HABP4: variants seen among roughly 807,000 people sequenced by gnomAD.
The protein encoded by HABP4 is hyaluronan binding protein 4, also known as intracellular hyaluronan-binding protein 4.
Under a neutral mutation model 44.1 loss-of-function variants are expected in HABP4, and 32 were observed. The observed-to-expected ratio is 0.73, with a 90% CI of 0.55 to 0.97. HABP4 has a LOEUF of 0.97. HABP4 is among the 50% of genes least tolerant of loss of function. The probability of loss-of-function intolerance (pLI) is 0.00; values close to 1 mark genes in which losing one functional copy is unlikely to be tolerated. For missense variants in HABP4, 503 were observed against 561.9 expected (o/e 0.90, Z 1.06); for synonymous variants, 216 against 218.0 (o/e 0.99, Z 0.08).
intron 1 of HABP4, chr9:96,451,330 T>TA (rs1433180579): frequency 2.6e-5 from 5 of 190,072 alleles, no homozygotes; most frequent in Non-Finnish European, 4.9e-5. Flanking sequence ...CACTCCCTAT[T>TA]TAGCAAGAAA....
intron 1 of HABP4, among the ~76,000 whole-genome samples, chr9:96,452,944 A>C: frequency 1.0e-5 from 1 of 95,552 alleles, no homozygotes; most frequent in South Asian, 3.2e-4. Context: ...TTTTTGAGAC[A>C]GAGTCTTTTT....
chr9:96,478,278 G>A (rs955748326), intron 5 of HABP4, among the ~76,000 whole-genome samples: 7 of 151,476 alleles, frequency 4.6e-5, no homozygotes, highest in East Asian at 3.9e-4. Context: ...GATTACAGGC[G>A]CCCGCCACTA....
chr9:96,484,054 A>G (rs190957612), intron 5 of HABP4: 1 of 154,436 alleles, frequency 6.5e-6, no homozygotes, highest in African/African-American at 2.4e-5. Context: ...ATTAAAGAGG[A>G]TATTTGCAAA....
chr9:96,469,127 C>T (rs967616406), intron 4 of HABP4, among the ~76,000 whole-genome samples: 7 of 152,146 alleles, frequency 4.6e-5, no homozygotes, highest in Non-Finnish European at 8.8e-5. Flanking sequence ...AGTTTGACAG[C>T]GGTAAAATAG....
intron 5 of HABP4, among the ~76,000 whole-genome samples, chr9:96,475,509 G>A (rs1260852290): frequency 6.6e-6 from 1 of 152,180 alleles, no homozygotes. Flanking sequence ...CTCCATGAAG[G>A]AGGAGCTACT....
intron 4 of HABP4, among the ~76,000 whole-genome samples, chr9:96,470,153 C>G (rs981574065): frequency 1.3e-5 from 2 of 152,096 alleles, no homozygotes; most frequent in Non-Finnish European, 2.9e-5. Flanking sequence ...ACAAAAAATA[C>G]AAAATATTAG....
intron 1 of HABP4, among the ~76,000 whole-genome samples, chr9:96,453,057 A>G (rs1832314790): frequency 7.0e-6 from 1 of 142,644 alleles, no homozygotes; most frequent in Non-Finnish European, 1.5e-5. Flanking sequence ...AGTAGCTGGC[A>G]TTACAGGCAT....
chr9:96,453,072 C>T (rs1037562241), intron 1 of HABP4, among the ~76,000 whole-genome samples: 2 of 148,690 alleles, frequency 1.3e-5, no homozygotes, highest in African/African-American at 5.0e-5. Context: ...AGGCATCTGC[C>T]ACCATGCCCG....
At chr9:96,478,822 G>C (rs1587685937) in intron 5 of HABP4, among the ~76,000 whole-genome samples, 1 of 151,584 alleles carries the variant, frequency 6.6e-6, no homozygotes, top group African/African-American at 2.4e-5. Flanking sequence ...GTAGAGATGG[G>C]GTCTCGTTTT....
chr9:96,489,196 G>T (rs1015018639), intron 7 of HABP4, among the ~76,000 whole-genome samples: 1 of 152,092 alleles, frequency 6.6e-6, no homozygotes, highest in African/African-American at 2.4e-5. Flanking sequence ...GGCGGGGGGT[G>T]TAGGGGTATA....
chr9:96,476,120 A>T (rs1389584460), intron 5 of HABP4, among the ~76,000 whole-genome samples: 3 of 152,156 alleles, frequency 2.0e-5, no homozygotes, highest in Non-Finnish European at 4.4e-5. Context: ...TTATTCCCTG[A>T]ATCTCAGTGG....
At chr9:96,478,629 A>G (rs558979227) in intron 5 of HABP4, among the ~76,000 whole-genome samples, 9 of 149,006 alleles carry the variant, frequency 6.0e-5, no homozygotes, top group Admixed American at 6.0e-4. Context: ...ATAGGTACAT[A>G]TCTCATTATG....
Position 96,469,228 on chromosome 9 carries a change from G to A in HABP4, c.744-1783G>A, listed in dbSNP as rs545164786. Among the ~76,000 whole-genome samples, 81 of 152,280 alleles carry A rather than the reference G, an allele frequency of 5.3e-4. 1 individual carries two copies. The South Asian group carries it at 0.016, about 29-fold the overall frequency. On this transcript the variant is annotated intron_variant, in intron 4 of 7. Coordinates refer to ENST00000375249, the MANE Select transcript of HABP4 (RefSeq NM_014282.4). ...AGATATTATTTTCTTGTTAAAATTGGAGTAGACACCCATGAACGCAGTTTT... is the reference window on the plus strand; with the variant it reads ...AGATATTATTTTCTTGTTAAAATTGAAGTAGACACCCATGAACGCAGTTTT...
chr9:96,450,657 C>A lies in HABP4; in HGVS notation c.349+29C>A. 1 of 1,250,536 alleles carries A rather than the reference C, an allele frequency of 8.0e-7. No individual in the cohort carries two copies. Among genetic ancestry groups the A allele is most frequent in the Non-Finnish European group, 1.0e-6 (1 of 996,090 alleles). The allele number at this position is 1,250,536 out of a possible 1,614,324, so 77.5% of individuals were successfully genotyped here. A position where few individuals can be genotyped will look rare whatever the true frequency, so the allele number is the denominator to read the frequency against. ...CGCGGGGACAGCGGGGTTAGCGGACCACGGCTCGGCCCGCTGTGAGACTGG... is the reference window on the plus strand; with the variant it reads ...CGCGGGGACAGCGGGGTTAGCGGACAACGGCTCGGCCCGCTGTGAGACTGG... On this transcript the variant is annotated intron_variant, in intron 1 of 7. Transcript: ENST00000375249. The surrounding 1 kb of genome is among the most constrained non-coding windows in gnomAD (Gnocchi z 4.8).
chr9:96,489,414 C>T (rs994420429), intron 7 of HABP4, among the ~76,000 whole-genome samples: 8 of 151,778 alleles, frequency 5.3e-5, no homozygotes, highest in Non-Finnish European at 7.4e-5. Context: ...CCTTAGGGCC[C>T]GCCCCCGCCC....
At chr9:96,457,713 C>G (rs1055217330) in intron 1 of HABP4, among the ~76,000 whole-genome samples, 35 of 151,860 alleles carry the variant, frequency 2.3e-4, no homozygotes, top group African/African-American at 8.0e-4. Context: ...ATTAAAAATA[C>G]AAAAATTAGC....
At position 96,463,702 on chromosome 9, in the gene HABP4, A is replaced by G. The variant is rs185994366; in HGVS notation, c.513-1635A>G. Among the ~76,000 whole-genome samples, 80 of 152,376 alleles carry G rather than the reference A, an allele frequency of 5.3e-4. No homozygotes were observed. In the East Asian group the frequency reaches 0.015, roughly 28 times the overall value. On this transcript the variant is annotated intron_variant, in intron 2 of 7. Coordinates refer to ENST00000375249, the MANE Select transcript of HABP4 (RefSeq NM_014282.4). Reference sequence around the variant, plus strand: ...GTTGTGTTTCTTATAAGAGACTGGCATGACGTTAATGATCAGTACTTCTGT... The same window carrying G: ...GTTGTGTTTCTTATAAGAGACTGGCGTGACGTTAATGATCAGTACTTCTGT...
intron 5 of HABP4, among the ~76,000 whole-genome samples, chr9:96,475,487 A>G (rs997341585): frequency 6.6e-6 from 1 of 152,174 alleles, no homozygotes; most frequent in East Asian, 1.9e-4. Flanking sequence ...TAATTCATTC[A>G]GTTCTTTGCC....
chr9:96,476,382 T>C (rs932956543), intron 5 of HABP4, among the ~76,000 whole-genome samples: 1 of 152,258 alleles, frequency 6.6e-6, no homozygotes, highest in Non-Finnish European at 1.5e-5. Flanking sequence ...GTTAAAGCAG[T>C]ATGATTTCTA....
Sources: allele counts gnomAD v4.1 joint callset (sites outside exome capture counted in the v4.1 genomes callset), GRCh38; gene constraint gnomAD v4.1.1; non-coding constraint Gnocchi (gnomAD v3.1); transcripts MANE v1.5; gene names NCBI Gene and HGNC (gene_info 2026-07-23, HGNC 2026-07-21).